The following STK32C variants were observed in gnomAD, a reference collection of about 807,000 sequenced individuals.
The protein encoded by STK32C is serine/threonine-protein kinase 32C.
A neutral mutation model predicts 56.5 loss-of-function variants in STK32C; 31 were observed. The observed-to-expected ratio is 0.55, with a 90% CI of 0.41 to 0.74. STK32C has a LOEUF of 0.74. Among genes scored for constraint, STK32C ranks in the 30% least tolerant of loss-of-function variants. The pLI is 0.00. For synonymous variants in STK32C, 309 were observed against 289.4 expected (o/e 1.07, Z -0.69); for missense variants, 544 against 676.9 (o/e 0.80, Z 2.18).
rs1337891906 is a variant in STK32C at position 132,279,888 on chromosome 10, T to C, written c.262+27684A>G. Among the ~76,000 whole-genome samples, 57 of 112,628 alleles carry C rather than the reference T, an allele frequency of 5.1e-4. No individual in the cohort carries two copies. The Middle Eastern group carries it at 0.026, about 52-fold the overall frequency. The allele number at this position is 112,628 out of a possible 152,430, so 73.9% of individuals were successfully genotyped here. A position where few individuals can be genotyped will look rare whatever the true frequency, so the allele number is the denominator to read the frequency against. ...CTGCACTCTGTGATCACGCCACCTG[T>C]GCTCCATGACCATGCCCCTACACTC... On this transcript the variant is annotated intron_variant, in intron 1 of 11. Transcript: ENST00000298630.
intron 1 of STK32C, among the ~76,000 whole-genome samples, chr10:132,284,553 G>A (rs943014045): frequency 6.6e-5 from 10 of 152,198 alleles, no homozygotes; most frequent in Non-Finnish European, 1.0e-4. Context: ...CAGTAGCATC[G>A]ACTGCATGGG....
chr10:132,228,242 C>A, intron 2 of STK32C, 114 bp from the exon 3 acceptor site: 1 of 1,390,816 alleles, frequency 7.2e-7, no homozygotes, highest in Non-Finnish European at 1.0e-6. Context: ...CAAGGGGACA[C>A]CTGGGGACGC....
intron 10 of STK32C, among the ~76,000 whole-genome samples, chr10:132,212,895 C>T (rs2062357848): frequency 6.6e-6 from 1 of 152,238 alleles, no homozygotes; most frequent in South Asian, 2.1e-4. Flanking sequence ...GACAGGTGAG[C>T]AAAGTCACAG....
chr10:132,222,598 A>C (rs756849752), intron 10 of STK32C, 43 bp downstream of exon 10: 2 of 1,602,094 alleles, frequency 1.2e-6, no homozygotes, highest in South Asian at 1.1e-5. Context: ...AGGAGCCCCA[A>C]GCCCAGCCCG....
chr10:132,221,886 T>C (rs747738032), intron 10 of STK32C, among the ~76,000 whole-genome samples: 5 of 85,370 alleles, frequency 5.9e-5, no homozygotes, highest in East Asian at 3.0e-4. Flanking sequence ...ACACAACTAA[T>C]ATCAACGCAC....
At chr10:132,298,915 C>T (rs72636968) in intron 1 of STK32C, among the ~76,000 whole-genome samples, 3,038 of 152,308 alleles carry the variant, frequency 0.02, 142 homozygotes, top group East Asian at 0.18. Context: ...TAAGCCACTC[C>T]TGAATCACCG....
rs368360239 is a variant in STK32C, at chr10:132,224,843, G to C, written c.877-320C>G. Among the ~76,000 whole-genome samples, 46 of 152,220 alleles carry C rather than the reference G, an allele frequency of 3.0e-4. 1 individual carries two copies. The South Asian group carries it at 9.1e-3, about 30-fold the overall frequency. ...GGTCCTGTGCAGGGCTGAGGGGTAC[G>C]GTCCACAAGAGGACCCCCAGCCTCC... On this transcript the variant is annotated intron_variant, in intron 7 of 11. Transcript: ENST00000298630.
chr10:132,263,627 G>A (rs1327107689), intron 1 of STK32C, among the ~76,000 whole-genome samples: 3 of 151,910 alleles, frequency 2.0e-5, no homozygotes, highest in African/African-American at 7.3e-5. Context: ...GGAGGCAGAG[G>A]CAGGTGGATC....
intron 1 of STK32C, among the ~76,000 whole-genome samples, chr10:132,302,458 C>G (rs2065935870): frequency 6.6e-6 from 1 of 152,324 alleles, no homozygotes; most frequent in East Asian, 1.9e-4. Context: ...CCCCAGGACA[C>G]CCGGTGCTGG....
At chr10:132,241,396 A>AG (rs1224867864) in intron 2 of STK32C, among the ~76,000 whole-genome samples, 1 of 152,268 alleles carries the variant, frequency 6.6e-6, no homozygotes, top group Non-Finnish European at 1.5e-5. Context: ...GGCAGCAAAA[A>AG]GTTCCACGTA....
downstream of STK32C, among the ~76,000 whole-genome samples, chr10:132,319,399 A>G (rs746507896): frequency 1.6e-4 from 25 of 152,260 alleles, no homozygotes; most frequent in Non-Finnish European, 3.1e-4. Context: ...TAGCAGCATG[A>G]TTTCATAGCC....
intron 10 of STK32C, among the ~76,000 whole-genome samples, chr10:132,210,889 G>T (rs2062275470): frequency 6.6e-6 from 1 of 152,224 alleles, no homozygotes; most frequent in Admixed American, 6.5e-5. Context: ...TCTCTTCCTA[G>T]CCCTGAGTGG....
chr10:132,246,966 G>T (rs1271745993), intron 1 of STK32C, among the ~76,000 whole-genome samples: 1 of 152,158 alleles, frequency 6.6e-6, no homozygotes, highest in Non-Finnish European at 1.5e-5. Flanking sequence ...CCAGGTTTAG[G>T]ACACCCGCTG....
At chr10:132,280,454 CCCATGATCACGCCCCTGCACT>C (rs1317492352) in intron 1 of STK32C, among the ~76,000 whole-genome samples, 1 of 107,296 alleles carries the variant, frequency 9.3e-6, no homozygotes, top group Non-Finnish European at 1.9e-5. Flanking sequence ...GCCACTGCAC[CCCATGATCACGCCCCTGCACT>C]CCGTGATCAT....
intron 2 of STK32C, among the ~76,000 whole-genome samples, chr10:132,229,447 C>A (rs1281409034): frequency 1.3e-5 from 2 of 152,182 alleles, no homozygotes; most frequent in Non-Finnish European, 2.9e-5. Flanking sequence ...CAGTGAGCCA[C>A]GACTGTACCA....
chr10:132,234,850 G>C (rs892313135), intron 2 of STK32C, among the ~76,000 whole-genome samples: 2 of 152,242 alleles, frequency 1.3e-5, no homozygotes, highest in Admixed American at 1.3e-4. Flanking sequence ...GCAGCCATTG[G>C]ACACTTGTGC....
At chr10:132,273,503 T>C (rs1175124673) in intron 1 of STK32C, among the ~76,000 whole-genome samples, 1 of 151,056 alleles carries the variant, frequency 6.6e-6, no homozygotes, top group Non-Finnish European at 1.5e-5. Context: ...GCACGGTTAA[T>C]GATAATGAGT....
chr10:132,222,941 C>A lies in STK32C; in HGVS notation c.1039G>T (p.Val347Leu). Reference sequence around the variant, plus strand: ...CCGGCCAGCGCCGGGGCTGCCTGCACGTCCTGGAGGCTGGAGAGCCGGTGC... The same window carrying A: ...CCGGCCAGCGCCGGGGCTGCCTGCAAGTCCTGGAGGCTGGAGAGCCGGTGC... ...PEHRLSSLQDVQAAPALAGVL... is the reference protein window; with the variant it reads ...PEHRLSSLQDLQAAPALAGVL... The change falls in exon 9 of 12, where the codon GTG becomes TTG. Residue 347 changes from valine (V) to leucine (L), a missense_variant. Transcript: ENST00000298630. 6.4e-7 allele frequency: 1 copy of A among 1,555,316 alleles called. No individual in the cohort carries two copies. Among genetic ancestry groups the A allele is most frequent in the South Asian group, 1.2e-5 (1 of 84,958 alleles).
chr10:132,224,667 C>T, intron 7 of STK32C, 144 bp from the exon 8 acceptor site: 1 of 664,590 alleles, frequency 1.5e-6, no homozygotes, highest in South Asian at 1.7e-5. Flanking sequence ...GCCTGGCCTC[C>T]ACCTGCCGCG....
Sources: allele counts gnomAD v4.1 joint callset (sites outside exome capture counted in the v4.1 genomes callset), GRCh38; gene constraint gnomAD v4.1.1; transcripts MANE v1.5; gene names NCBI Gene and HGNC (gene_info 2026-07-23, HGNC 2026-07-21).